The following AHCTF1 variants were observed in gnomAD, a reference collection of about 807,000 sequenced individuals.
AHCTF1 encodes AT-hook containing transcription factor 1.
Under a neutral mutation model 248.4 loss-of-function variants are expected in AHCTF1, and 24 were observed. The observed-to-expected ratio is 0.10, with a 90% CI of 0.07 to 0.14. AHCTF1 has a LOEUF of 0.14. Among genes scored for constraint, AHCTF1 ranks in the 10% least tolerant of loss-of-function variants. The pLI is 1.00. For synonymous variants in AHCTF1, 786 were observed against 929.8 expected (o/e 0.85, Z 2.81); for missense variants, 2,206 against 2,636.2 (o/e 0.84, Z 3.57).
intron 35 of AHCTF1, among the ~76,000 whole-genome samples, chr1:246,841,630 A>T (rs1196347955): frequency 6.6e-6 from 1 of 152,164 alleles, no homozygotes; most frequent in African/African-American, 2.4e-5. Context: ...TAATTGCAGG[A>T]TTTTAAAGTG....
intron 24 of AHCTF1, among the ~76,000 whole-genome samples, chr1:246,873,167 T>C (rs1257534407): frequency 6.6e-6 from 1 of 152,218 alleles, no homozygotes; most frequent in Non-Finnish European, 1.5e-5. Flanking sequence ...GTTAAGTAAA[T>C]GTGCCCTTGC....
Position 246,896,180 on chromosome 1 carries a change from A to G in AHCTF1, c.1624-255T>C, listed in dbSNP as rs560717556. Among the ~76,000 whole-genome samples the G allele has an allele frequency of 1.3e-4, 20 of 152,288 alleles. No individual in the cohort carries two copies. In the South Asian group the frequency reaches 4.1e-3, roughly 32 times the overall value. On this transcript the variant is annotated intron_variant, in intron 12 of 35. Transcript: ENST00000648844. ...TTGGCGGTTTCTCAGTATGCTAAAC[A>G]TAGACTTACCACACGACCCTCCAAT...
intron 4 of AHCTF1, among the ~76,000 whole-genome samples, chr1:246,910,212 G>A (rs906420917): frequency 2.0e-5 from 3 of 152,178 alleles, no homozygotes; most frequent in African/African-American, 7.2e-5. Context: ...CATTCTATCA[G>A]ATAACTTCAG....
chr1:246,849,084 A>C (rs1009674676), intron 33 of AHCTF1, among the ~76,000 whole-genome samples: 2 of 152,222 alleles, frequency 1.3e-5, no homozygotes, highest in Admixed American at 1.3e-4. Context: ...GCTCTGACCT[A>C]CACCAACCAA....
At chr1:246,913,708 G>GAT (rs1391558633) in intron 3 of AHCTF1, among the ~76,000 whole-genome samples, 1 of 152,196 alleles carries the variant, frequency 6.6e-6, no homozygotes, top group Non-Finnish European at 1.5e-5. Flanking sequence ...ACAATGCTTT[G>GAT]ATAGTAGACT....
Position 246,869,003 on chromosome 1 carries a change from C to T in AHCTF1, c.3089-1192G>A, listed in dbSNP as rs1439456654. ...GGGACTACAGGCGCCCGCCACCATG[C>T]CTGGCTAACTTTTTCTATTTTTAGT... On this transcript the variant is annotated intron_variant, in intron 24 of 35. Coordinates refer to ENST00000648844, the MANE Select transcript of AHCTF1 (RefSeq NM_001323342.2). Among the ~76,000 whole-genome samples the T allele has an allele frequency of 1.1e-4, 16 of 151,662 alleles. No individual in the cohort carries two copies. In the East Asian group the frequency reaches 1.9e-3, roughly 18 times the overall value.
In AHCTF1 at chr1:246,857,819, A is replaced by G; in HGVS notation, c.4133-5T>C. The stretch of plus-strand genomic sequence containing the variant: ...TTTCTGCATCTTCTAAATTGCCTAT[A>G]AGTCATACAAATAAGAATATTATTT... On this transcript the variant is annotated splice_polypyrimidine_tract_variant and splice_region_variant and intron_variant, in intron 29 of 35. Transcript: ENST00000648844. 1.9e-6 allele frequency: 3 copies of G among 1,597,978 alleles called. No individual in the cohort carries two copies. Among genetic ancestry groups the G allele is most frequent in the Non-Finnish European group, 1.7e-6 (2 of 1,168,838 alleles).
intron 17 of AHCTF1, 87 bp downstream of exon 17, chr1:246,889,879 C>A: frequency 1.1e-6 from 1 of 908,060 alleles, no homozygotes; most frequent in Non-Finnish European, 1.7e-6. Context: ...GAATTCTACC[C>A]ATTTAATCAC....
At chr1:246,887,455 A>T in intron 19 of AHCTF1, 98 bp from the exon 20 acceptor site, 1 of 1,205,156 alleles carries the variant, frequency 8.3e-7, no homozygotes, top group Non-Finnish European at 1.2e-6. Context: ...ATTAAAAGAG[A>T]CTTGAAATGC....
chr1:246,893,322 C>G (rs1189466770), intron 14 of AHCTF1, among the ~76,000 whole-genome samples: 1 of 152,208 alleles, frequency 6.6e-6, no homozygotes, highest in African/African-American at 2.4e-5. Context: ...AGCGCCATGT[C>G]TTCCTAACGA....
chr1:246,844,303 A>G (rs781164297), intron 33 of AHCTF1, among the ~76,000 whole-genome samples: 1 of 152,198 alleles, frequency 6.6e-6, no homozygotes, highest in Non-Finnish European at 1.5e-5. Flanking sequence ...TGCCATAACT[A>G]CTGCTATTGC....
chr1:246,898,478 A>G, intron 11 of AHCTF1, 142 bp from the exon 12 acceptor site: 1 of 955,402 alleles, frequency 1.0e-6, no homozygotes, highest in Non-Finnish European at 1.5e-6. Flanking sequence ...CCTGCAAGAA[A>G]CAGAGTTTAT....
rs1168192322 is a variant in AHCTF1 at position 246,867,901 on chromosome 1, C to CCCA, written c.3089-91_3089-90insTGG. On this transcript the variant is annotated intron_variant, in intron 24 of 35. Coordinates refer to ENST00000648844, the MANE Select transcript of AHCTF1 (RefSeq NM_001323342.2). ...TGAAAGAATGATTACACCCCCCCCC[C>CCCA]CACACACACACACACACACATTACG... 1.2e-4 allele frequency: 37 copies of CCCA among 313,816 alleles called. No individual in the cohort carries two copies. In the African/African-American group the frequency reaches 1.4e-3, roughly 12 times the overall value. 19.4% of individuals were successfully genotyped at this position (313,816 alleles called of 1,614,324 possible).
Position 246,850,170 on chromosome 1 carries a change from A to G in AHCTF1, c.5836T>C (p.Ser1946Pro). The G allele has an allele frequency of 1.2e-6, 2 of 1,613,888 alleles. No individual in the cohort carries two copies. The highest frequency in any genetic ancestry group is 1.1e-5 in the South Asian group (1 of 91,068). Reference sequence around the variant, plus strand: ...AGGTTGGAGTCTTCTCTCACATCTGATGGACTAACTTCTCTCCCTCTGACC... The same window carrying G: ...AGGTTGGAGTCTTCTCTCACATCTGGTGGACTAACTTCTCTCCCTCTGACC... Reference protein sequence around the residue: ...RRVRGREVSPSDVREDSNLES... With the variant: ...RRVRGREVSPPDVREDSNLES... The change falls in exon 33 of 36, where the codon TCA becomes CCA. Residue 1946 changes from serine (S) to proline (P), a missense_variant. Around this residue, in one of 6 missense-constraint regions of AHCTF1, gnomAD observed 469 missense variants for 470.0 expected, o/e 1.00. Coordinates refer to ENST00000648844, the MANE Select transcript of AHCTF1 (RefSeq NM_001323342.2).
At position 246,840,167 on chromosome 1, in the gene AHCTF1, C is replaced by T. The variant is rs1659755618; in HGVS notation, c.*639G>A. The T allele has an allele frequency of 6.6e-6, 1 of 152,572 alleles. No individual in the cohort carries two copies. The highest frequency in any genetic ancestry group is 1.5e-5 in the Non-Finnish European group (1 of 68,028). 9.5% of individuals were successfully genotyped at this position (152,572 alleles called of 1,614,324 possible). ...TGGATTAGTCTTTGACTAATTAAGACTTTAAAGAGCCTTTAAGCTTGCCGA... is the reference window on the plus strand; with the variant it reads ...TGGATTAGTCTTTGACTAATTAAGATTTTAAAGAGCCTTTAAGCTTGCCGA... On this transcript the variant is annotated 3_prime_UTR_variant, in exon 36 of 36. Transcript: ENST00000648844.
At chr1:246,868,985 C>A (rs1302471106) in intron 24 of AHCTF1, among the ~76,000 whole-genome samples, 1 of 143,002 alleles carries the variant, frequency 7.0e-6, no homozygotes, top group Non-Finnish European at 1.5e-5. Context: ...GCTGGGACTA[C>A]AGGCGCCCGC....
chr1:246,854,734 A>G (rs1409027772), intron 31 of AHCTF1, among the ~76,000 whole-genome samples: 2 of 152,174 alleles, frequency 1.3e-5, no homozygotes, highest in Admixed American at 6.5e-5. Context: ...ATTTAAAACT[A>G]TTAATATTTT....
chr1:246,863,999 C>T lies in AHCTF1; in HGVS notation c.3465G>A (p.Ser1155=), dbSNP rs563092117. The part of the protein sequence containing the change: ...YLVSRSLPSS[S]QLKGSPQAIS... Reference sequence around the variant, plus strand: ...TGGCCTGAGGCGATCCTTTTAATTGCGAACTTGAGGGCAGTGAACGGGATA... The same window carrying T: ...TGGCCTGAGGCGATCCTTTTAATTGTGAACTTGAGGGCAGTGAACGGGATA... Residue 1155 remains serine, a synonymous_variant, in exon 27 of 36, where the codon TCG becomes TCA. Transcript: ENST00000648844. 6.2e-6 allele frequency: 10 copies of T among 1,613,880 alleles called. No homozygotes were observed. Among genetic ancestry groups the T allele is most frequent in the African/African-American group, 5.3e-5 (4 of 74,846 alleles).
intron 24 of AHCTF1, among the ~76,000 whole-genome samples, chr1:246,869,034 C>G (rs369612701): frequency 6.6e-6 from 1 of 151,088 alleles, no homozygotes. Context: ...TTAGTAGAGA[C>G]GGGGTTTCAC....
Sources: gnomAD v4.1 joint callset for allele counts (sites outside exome capture counted in the v4.1 genomes callset) on GRCh38, gnomAD v4.1.1 for gene constraint, gnomAD v4.1.1 regional missense constraint, MANE v1.5 for transcripts, NCBI Gene and HGNC (gene_info 2026-07-23, HGNC 2026-07-21) for gene names.